NKAIN3: variants seen among roughly 807,000 people sequenced by gnomAD.
NKAIN3 encodes sodium/potassium-transporting ATPase subunit beta-1-interacting protein 3.
A neutral mutation model predicts 30.2 loss-of-function variants in NKAIN3; 25 were observed. The ratio of observed to expected loss-of-function variants is 0.83; its 90% CI spans 0.60 to 1.16. The LOEUF is 1.16. Ranked by LOEUF, NKAIN3 falls within the 50% of genes most tolerant of loss-of-function variation. The probability of loss-of-function intolerance (pLI) is 0.00; values close to 1 mark genes in which losing one functional copy is unlikely to be tolerated. For missense variants in NKAIN3, 225 were observed against 254.1 expected, an observed-to-expected ratio of 0.89 and a Z score of 0.78; for synonymous variants, 91 against 89.6, an observed-to-expected ratio of 1.02 and a Z score of -0.09.
intron 4 of NKAIN3, among the ~76,000 whole-genome samples, chr8:62,758,812 C>T (rs1440064227): frequency 6.6e-6 from 1 of 152,094 alleles, no homozygotes; most frequent in East Asian, 1.9e-4. Context: ...CAGAATGGTC[C>T]CTATTGCAAT....
intron 4 of NKAIN3, among the ~76,000 whole-genome samples, chr8:62,882,357 C>T (rs1035298645): frequency 6.6e-6 from 1 of 152,048 alleles, no homozygotes; most frequent in African/African-American, 2.4e-5. Context: ...CTCGCTCTGT[C>T]GCCCAGGCTG....
intron 5 of NKAIN3, among the ~76,000 whole-genome samples, chr8:62,934,249 G>C (rs984082793): frequency 6.6e-6 from 1 of 151,912 alleles, no homozygotes; most frequent in African/African-American, 2.4e-5. Context: ...AAAGTAGCAG[G>C]GTGTGCTGGT....
Position 62,256,188 on chromosome 8 carries a change from G to C in NKAIN3, c.54+7061G>C, listed in dbSNP as rs562345565. ...AGCACTGTGGGAGACTGAGGGGGGAGGATCACTTGAGGCCAGGAGTTTGGG... is the reference window on the plus strand; with the variant it reads ...AGCACTGTGGGAGACTGAGGGGGGACGATCACTTGAGGCCAGGAGTTTGGG... On this transcript the variant is annotated intron_variant, in intron 1 of 6. Transcript: ENST00000623646. 9.9e-5 allele frequency among the ~76,000 whole-genome samples: 15 copies of C among 151,984 alleles called. No individual in the cohort carries two copies. In the South Asian group the frequency reaches 2.3e-3, roughly 23 times the overall value.
chr8:62,801,709 C>A (rs555766387), intron 4 of NKAIN3, among the ~76,000 whole-genome samples: 1 of 152,172 alleles, frequency 6.6e-6, no homozygotes, highest in Non-Finnish European at 1.5e-5. Context: ...AAGAGCAGAG[C>A]GCCTCTCCTC....
intron 3 of NKAIN3, among the ~76,000 whole-genome samples, chr8:62,722,773 G>C (rs1815132328): frequency 6.6e-6 from 1 of 152,086 alleles, no homozygotes; most frequent in African/African-American, 2.4e-5. Context: ...AATATGTATG[G>C]AACACTCATG....
intron 3 of NKAIN3, among the ~76,000 whole-genome samples, chr8:62,694,994 G>C (rs1245591781): frequency 6.6e-6 from 1 of 152,082 alleles, no homozygotes. Flanking sequence ...TGTTCTTTCT[G>C]CTTACAATTA....
At chr8:62,460,451 A>C (rs1805966431) in intron 1 of NKAIN3, among the ~76,000 whole-genome samples, 1 of 151,940 alleles carries the variant, frequency 6.6e-6, no homozygotes, top group South Asian at 2.1e-4. Context: ...CAAAATGGTC[A>C]GAATAAACTT....
chr8:62,998,799 C>T (rs1357269340), intron 5 of NKAIN3, among the ~76,000 whole-genome samples: 1 of 152,166 alleles, frequency 6.6e-6, no homozygotes, highest in African/African-American at 2.4e-5. Flanking sequence ...ACTACCACTG[C>T]ATCACAATCC....
intron 1 of NKAIN3, among the ~76,000 whole-genome samples, chr8:62,357,139 C>G (rs1264362099): frequency 1.3e-5 from 2 of 150,618 alleles, no homozygotes; most frequent in Non-Finnish European, 3.0e-5. Flanking sequence ...AAAAGGCATT[C>G]CAGGACCAGG....
chr8:62,562,864 G>T (rs1245765106), intron 1 of NKAIN3, among the ~76,000 whole-genome samples: 1 of 152,098 alleles, frequency 6.6e-6, no homozygotes, highest in Non-Finnish European at 1.5e-5. Context: ...AGAACTCCTT[G>T]CAGGTGGTCT....
In NKAIN3 at chr8:62,570,881, G is replaced by A. The variant is rs1233075513; in HGVS notation, c.55-8658G>A. Among the ~76,000 whole-genome samples the A allele has an allele frequency of 1.3e-5, 2 of 152,068 alleles. 1 individual carries two copies. The highest frequency in any genetic ancestry group is 2.9e-5 in the Non-Finnish European group (2 of 68,006). On this transcript the variant is annotated intron_variant, in intron 1 of 6. Transcript: ENST00000623646. ...ACACAATGAAAAAGATTAAAACAGGGTCACACATATTGGCAGAATCCTAAG... is the reference window on the plus strand; with the variant it reads ...ACACAATGAAAAAGATTAAAACAGGATCACACATATTGGCAGAATCCTAAG...
At chr8:62,910,776 A>C (rs1821904579) in intron 4 of NKAIN3, among the ~76,000 whole-genome samples, 1 of 151,536 alleles carries the variant, frequency 6.6e-6, no homozygotes. Context: ...TTCAAGGGAA[A>C]TTGGTCTCCT....
At chr8:62,890,454 G>C (rs1307283795) in intron 4 of NKAIN3, among the ~76,000 whole-genome samples, 2 of 152,174 alleles carry the variant, frequency 1.3e-5, no homozygotes, top group Admixed American at 1.3e-4. Context: ...GTTCAGGCCA[G>C]TTCTTCCTTT....
chr8:62,558,307 A>G (rs1030084821), intron 1 of NKAIN3, among the ~76,000 whole-genome samples: 1 of 152,020 alleles, frequency 6.6e-6, no homozygotes, highest in African/African-American at 2.4e-5. Context: ...TTCAGTGACT[A>G]TGGCCTTATA....
At chr8:62,833,296 A>G (rs1269672479) in intron 4 of NKAIN3, among the ~76,000 whole-genome samples, 1 of 151,938 alleles carries the variant, frequency 6.6e-6, no homozygotes, top group Non-Finnish European at 1.5e-5. Context: ...AAATAACCCC[A>G]AAGCTAGCAG....
chr8:62,749,749 C>G (rs1816214539), intron 4 of NKAIN3, among the ~76,000 whole-genome samples: 1 of 137,448 alleles, frequency 7.3e-6, no homozygotes, highest in Non-Finnish European at 1.5e-5. Context: ...ATGGCGTGAT[C>G]TCGGTTCACT....
intron 3 of NKAIN3, among the ~76,000 whole-genome samples, chr8:62,734,450 C>T (rs1411713484): frequency 6.6e-6 from 1 of 151,860 alleles, no homozygotes; most frequent in African/African-American, 2.4e-5. Context: ...ACTATTTAGT[C>T]TTAATCTTTG....
intron 5 of NKAIN3, among the ~76,000 whole-genome samples, chr8:62,941,856 AC>A (rs1424125581): frequency 2.0e-5 from 3 of 152,122 alleles, no homozygotes; most frequent in Admixed American, 1.3e-4. Flanking sequence ...CTGGAACAAG[AC>A]AAGGATGCCC....
chr8:62,657,560 CT>C (rs1812796958), intron 3 of NKAIN3, among the ~76,000 whole-genome samples: 1 of 152,116 alleles, frequency 6.6e-6, no homozygotes, highest in Admixed American at 6.6e-5. Flanking sequence ...AAGAATAAAA[CT>C]TTGTGGTTTA....
Sources: allele counts gnomAD v4.1 joint callset (sites outside exome capture counted in the v4.1 genomes callset), GRCh38; gene constraint gnomAD v4.1.1; transcripts MANE v1.5; gene names NCBI Gene and HGNC (gene_info 2026-07-23, HGNC 2026-07-21).